Variants in FUT9 observed in about 807,000 individuals in gnomAD.
The protein encoded by FUT9 is fucosyltransferase 9.
A neutral mutation model predicts 29.7 loss-of-function variants in FUT9; 15 were observed. That is an observed-to-expected ratio of 0.51 (90% CI 0.34 to 0.78). The LOEUF (loss-of-function observed/expected upper bound fraction) is 0.78. Among genes scored for constraint, FUT9 ranks in the 30% least tolerant of loss-of-function variants. The pLI is 0.01. For synonymous variants in FUT9, 169 were observed against 153.7 expected, an observed-to-expected ratio of 1.10 and a Z score of -0.74; for missense variants, 319 against 425.4, an observed-to-expected ratio of 0.75 and a Z score of 2.20.
intron 1 of FUT9, among the ~76,000 whole-genome samples, chr6:96,023,543 A>G (rs1467940785): frequency 6.6e-6 from 1 of 151,900 alleles, no homozygotes; most frequent in Admixed American, 6.6e-5. Flanking sequence ...GGTTACTACA[A>G]ATGTATATTG....
chr6:96,164,012 A>C (rs1772963617), intron 2 of FUT9, among the ~76,000 whole-genome samples: 1 of 152,160 alleles, frequency 6.6e-6, no homozygotes, highest in Non-Finnish European at 1.5e-5. Flanking sequence ...GTCAAGCTAC[A>C]GTTTGGCTTT....
chr6:96,169,609 G>T (rs906325281), intron 2 of FUT9, among the ~76,000 whole-genome samples: 2 of 152,062 alleles, frequency 1.3e-5, no homozygotes, highest in African/African-American at 4.8e-5. Context: ...TTGGTGATGT[G>T]TATAATCATT....
At chr6:96,085,379 A>G (rs1449199958) in intron 1 of FUT9, among the ~76,000 whole-genome samples, 1 of 152,190 alleles carries the variant, frequency 6.6e-6, no homozygotes, top group Admixed American at 6.5e-5. Context: ...GCGTCCTTGC[A>G]TGGTGAAAGA....
intron 2 of FUT9, among the ~76,000 whole-genome samples, chr6:96,165,397 C>G (rs1212350470): frequency 6.6e-6 from 1 of 150,860 alleles, no homozygotes; most frequent in Admixed American, 6.6e-5. Context: ...CACCACTGCA[C>G]TCCAGCCTGG....
rs938768667 is a variant in FUT9, at chr6:96,176,349, A to T, written c.-8-26799A>T. Among the ~76,000 whole-genome samples the T allele has an allele frequency of 7.9e-5, 12 of 151,426 alleles. 1 individual carries two copies. Among genetic ancestry groups the T allele is most frequent in the Admixed American group, 5.3e-4 (8 of 15,172 alleles). ...AAATATTTTATATCATATAATATAC[A>T]ATGATATATAATATATGTTATATTT... On this transcript the variant is annotated intron_variant, in intron 2 of 2. Coordinates refer to ENST00000302103, the MANE Select transcript of FUT9 (RefSeq NM_006581.4).
intron 1 of FUT9, among the ~76,000 whole-genome samples, chr6:96,049,904 C>T (rs1163315750): frequency 3.9e-5 from 6 of 152,128 alleles, no homozygotes; most frequent in African/African-American, 1.4e-4. Flanking sequence ...GTAAAATATG[C>T]TATCTGTCAT....
chr6:96,172,174 T>C (rs1227041554), intron 2 of FUT9, among the ~76,000 whole-genome samples: 1 of 152,142 alleles, frequency 6.6e-6, no homozygotes, highest in African/African-American at 2.4e-5. Context: ...ATTCTATTTA[T>C]GGGAGAGGGG....
rs1772503634 is a variant in FUT9 at position 96,143,469 on chromosome 6, C to G, written c.-9+29342C>G. Reference sequence around the variant, plus strand: ...AGTTCATATGGTTCCTTCCTTCATTCATTCCTTCTTTCCTTTTTTCCTTCC... The same window carrying G: ...AGTTCATATGGTTCCTTCCTTCATTGATTCCTTCTTTCCTTTTTTCCTTCC... On this transcript the variant is annotated intron_variant, in intron 2 of 2. Transcript: ENST00000302103. Among the ~76,000 whole-genome samples the G allele has an allele frequency of 2.0e-5, 3 of 152,104 alleles. No individual in the cohort carries two copies. The South Asian group carries it at 6.2e-4, about 32-fold the overall frequency.
chr6:96,053,236 C>A (rs1267967034), intron 1 of FUT9, among the ~76,000 whole-genome samples: 1 of 152,050 alleles, frequency 6.6e-6, no homozygotes, highest in East Asian at 1.9e-4. Flanking sequence ...TAAAGCAAGG[C>A]ATTTTTTAGT....
intron 1 of FUT9, among the ~76,000 whole-genome samples, chr6:96,052,630 G>C (rs530935008): frequency 3.3e-5 from 5 of 152,282 alleles, no homozygotes; most frequent in African/African-American, 1.2e-4. Flanking sequence ...AAGAAAATAG[G>C]ATTAGGAAGG....
chr6:96,069,431 G>A (rs879896669), intron 1 of FUT9, among the ~76,000 whole-genome samples: 1 of 151,844 alleles, frequency 6.6e-6, no homozygotes. Context: ...CAAATGAGAA[G>A]ATTGGAAAAA....
chr6:96,105,008 C>G (rs1484384824), intron 1 of FUT9, among the ~76,000 whole-genome samples: 2 of 152,146 alleles, frequency 1.3e-5, no homozygotes, highest in African/African-American at 4.8e-5. Context: ...CTGGGTTCTT[C>G]CGTGCTTACT....
At chr6:96,089,196 A>G (rs761672273) in intron 1 of FUT9, among the ~76,000 whole-genome samples, 1 of 152,192 alleles carries the variant, frequency 6.6e-6, no homozygotes, top group Non-Finnish European at 1.5e-5. Flanking sequence ...GTTTTCATAC[A>G]CACATTTGCT....
At chr6:96,071,982 G>T (rs1268164753) in intron 1 of FUT9, among the ~76,000 whole-genome samples, 8 of 152,044 alleles carry the variant, frequency 5.3e-5, no homozygotes. Flanking sequence ...TAGATGTGGT[G>T]CAAAATGCTC....
intron 2 of FUT9, among the ~76,000 whole-genome samples, chr6:96,148,285 T>C (rs1425087908): frequency 6.6e-6 from 1 of 152,134 alleles, no homozygotes; most frequent in Non-Finnish European, 1.5e-5. Context: ...GAATAGGAAA[T>C]TGGGTCTAGA....
chr6:96,193,862 A>T (rs994152911), intron 2 of FUT9, among the ~76,000 whole-genome samples: 1 of 152,220 alleles, frequency 6.6e-6, no homozygotes, highest in Non-Finnish European at 1.5e-5. Context: ...ACCATGGAAT[A>T]CTATGCAGCC....
intron 2 of FUT9, among the ~76,000 whole-genome samples, chr6:96,193,972 A>T (rs1047090887): frequency 1.5e-4 from 23 of 152,164 alleles, no homozygotes; most frequent in Admixed American, 3.3e-4. Context: ...CAAACACTGC[A>T]TGTTCTCACT....
At chr6:96,186,809 C>A (rs1380884680) in intron 2 of FUT9, among the ~76,000 whole-genome samples, 1 of 152,086 alleles carries the variant, frequency 6.6e-6, no homozygotes, top group Non-Finnish European at 1.5e-5. Context: ...AGGCAGACAG[C>A]AAGTTCAGCC....
chr6:96,168,223 A>G (rs11969517), intron 2 of FUT9, among the ~76,000 whole-genome samples: 17,411 of 152,196 alleles, frequency 0.11, 1,417 homozygotes, highest in Non-Finnish European at 0.18. Flanking sequence ...GGGAAGTCCA[A>G]ATGGAAGGAT....
Sources: allele counts gnomAD v4.1 joint callset (sites outside exome capture counted in the v4.1 genomes callset), GRCh38; gene constraint gnomAD v4.1.1; transcripts MANE v1.5; gene names NCBI Gene and HGNC (gene_info 2026-07-23, HGNC 2026-07-21).